The following SULF1 variants were observed in gnomAD, a reference collection of about 807,000 sequenced individuals.
SULF1 encodes sulfatase 1.
A neutral mutation model predicts 110.5 loss-of-function variants in SULF1; 46 were observed. That is an observed-to-expected ratio of 0.42 (90% confidence interval 0.33 to 0.53). The LOEUF (loss-of-function observed/expected upper bound fraction) is 0.53, where lower values mean the gene tolerates loss of function less well. Ranked by LOEUF, SULF1 falls within the 20% of genes least tolerant of loss-of-function variation. The pLI is 0.12. For synonymous variants in SULF1, 371 were observed against 387.1 expected (o/e 0.96, Z 0.49); for missense variants, 941 against 1,094.2 (o/e 0.86, Z 1.98).
intron 8 of SULF1, among the ~76,000 whole-genome samples, chr8:69,598,650 C>A (rs1222673122): frequency 6.6e-6 from 1 of 152,198 alleles, no homozygotes; most frequent in Non-Finnish European, 1.5e-5. Flanking sequence ...CCTGGGCCTT[C>A]CAAAATGCTG....
intron 1 of SULF1, among the ~76,000 whole-genome samples, chr8:69,472,425 C>T (rs1809123964): frequency 6.6e-6 from 1 of 152,258 alleles, no homozygotes. Context: ...GCTTGAGCCC[C>T]TTACCATTCC....
chr8:69,507,602 G>T (rs916849477), intron 3 of SULF1, among the ~76,000 whole-genome samples: 2 of 152,110 alleles, frequency 1.3e-5, no homozygotes, highest in African/African-American at 4.8e-5. Context: ...ATTAAATAGG[G>T]CTTAAAACAA....
rs1810311254 is a variant in SULF1, at chr8:69,495,855, A to G, written c.-300A>G. The G allele has an allele frequency of 6.6e-6, 1 of 152,264 alleles. No individual in the cohort carries two copies. 9.4% of individuals were successfully genotyped at this position (152,264 alleles called of 1,614,324 possible). Reference sequence around the variant, plus strand: ...CCTGGTCATTATTTAGTCTACAATAAGTTCATCCTTCTTCAGTGTGACCAG... The same window carrying G: ...CCTGGTCATTATTTAGTCTACAATAGGTTCATCCTTCTTCAGTGTGACCAG... On this transcript the variant is annotated 5_prime_UTR_variant, in exon 2 of 23. Coordinates refer to ENST00000402687, the MANE Select transcript of SULF1 (RefSeq NM_001128205.2).
At chr8:69,597,301 C>T (rs1052368443) in intron 8 of SULF1, 5 of 152,262 alleles carry the variant, frequency 3.3e-5, no homozygotes, top group African/African-American at 1.2e-4. Context: ...GACCCCCGAC[C>T]TTCCACCTGC....
intron 2 of SULF1, among the ~76,000 whole-genome samples, chr8:69,497,760 G>A (rs1273789350): frequency 6.6e-6 from 1 of 152,076 alleles, no homozygotes; most frequent in East Asian, 1.9e-4. Flanking sequence ...GAACAACGGG[G>A]ACAACCAAGA....
intron 22 of SULF1, among the ~76,000 whole-genome samples, chr8:69,651,901 A>T (rs1050319540): frequency 2.0e-5 from 3 of 152,164 alleles, no homozygotes; most frequent in Non-Finnish European, 4.4e-5. Context: ...CTTTAAAACA[A>T]CACAAATTTA....
chr8:69,566,747 A>T (rs1020313487), intron 5 of SULF1, among the ~76,000 whole-genome samples: 3 of 152,138 alleles, frequency 2.0e-5, no homozygotes, highest in Admixed American at 6.5e-5. Context: ...GCTACTCTGG[A>T]GGCTGAGGCA....
At chr8:69,634,549 G>A (rs763419399) in intron 19 of SULF1, among the ~76,000 whole-genome samples, 7 of 152,062 alleles carry the variant, frequency 4.6e-5, no homozygotes, top group African/African-American at 1.4e-4. Context: ...CAGGTGGATC[G>A]CTTGAGCCCA....
chr8:69,568,013 T>C (rs1476466982), intron 5 of SULF1, among the ~76,000 whole-genome samples: 1 of 152,240 alleles, frequency 6.6e-6, no homozygotes, highest in African/African-American at 2.4e-5. Context: ...TTTCTGGTTT[T>C]GTTTTTAATA....
chr8:69,479,668 G>C (rs572157372), intron 1 of SULF1, among the ~76,000 whole-genome samples: 1 of 152,058 alleles, frequency 6.6e-6, no homozygotes, highest in Non-Finnish European at 1.5e-5. Context: ...CTAAATCTAA[G>C]CAGAATGTTG....
chr8:69,500,734 G>A (rs1810736594), intron 2 of SULF1, among the ~76,000 whole-genome samples: 1 of 152,196 alleles, frequency 6.6e-6, no homozygotes, highest in Admixed American at 6.5e-5. Context: ...GCACAGTGAA[G>A]CGAGTGATCT....
chr8:69,510,978 A>G (rs1195840400), intron 3 of SULF1, among the ~76,000 whole-genome samples: 5 of 151,578 alleles, frequency 3.3e-5, no homozygotes, highest in Non-Finnish European at 7.4e-5. Context: ...ACACACACAC[A>G]CACACACATA....
intron 13 of SULF1, among the ~76,000 whole-genome samples, chr8:69,616,527 A>G (rs902474572): frequency 2.6e-5 from 4 of 151,906 alleles, no homozygotes; most frequent in Non-Finnish European, 4.4e-5. Flanking sequence ...TCAGCCTCCC[A>G]AGTAGCTGGG....
At chr8:69,548,602 C>T (rs981883493) in intron 3 of SULF1, among the ~76,000 whole-genome samples, 1 of 149,896 alleles carries the variant, frequency 6.7e-6, no homozygotes, top group Non-Finnish European at 1.5e-5. Context: ...CATGCACCAC[C>T]ATGCCTCGCT....
intron 3 of SULF1, among the ~76,000 whole-genome samples, chr8:69,522,105 C>A (rs1812348575): frequency 6.6e-6 from 1 of 151,324 alleles, no homozygotes; most frequent in Non-Finnish European, 1.5e-5. Context: ...GGCTGGAGTG[C>A]AGTGGAATGA....
At chr8:69,655,664 C>A (rs1812671640) in intron 22 of SULF1, among the ~76,000 whole-genome samples, 1 of 152,172 alleles carries the variant, frequency 6.6e-6, no homozygotes. Flanking sequence ...GCCTCATCCT[C>A]CCCAAACTAC....
chr8:69,534,790 C>T (rs2197029), intron 3 of SULF1, among the ~76,000 whole-genome samples: 15,440 of 151,940 alleles, frequency 0.1, 1,497 homozygotes, highest in East Asian at 0.41. Context: ...ATTGATACAA[C>T]TGACGTCATA....
chr8:69,611,868 T>C (rs991880808), intron 13 of SULF1, among the ~76,000 whole-genome samples: 18 of 152,142 alleles, frequency 1.2e-4, no homozygotes, highest in African/African-American at 1.9e-4. Flanking sequence ...TTTATTTCAA[T>C]AGTTTTCGGG....
chr8:69,487,008 A>G lies in SULF1; in HGVS notation c.-390-8757A>G, dbSNP rs549999964. Among the ~76,000 whole-genome samples, 21 of 152,302 alleles carry G rather than the reference A, an allele frequency of 1.4e-4. No homozygotes were observed. The South Asian group carries it at 3.1e-3, about 23-fold the overall frequency. On this transcript the variant is annotated intron_variant, in intron 1 of 22. Transcript: ENST00000260128. The stretch of plus-strand genomic sequence containing the variant: ...AATGGGAAAAGAATTTCTCAAATAA[A>G]TATGTTATCTTTTCCTCCAACAGAA...
Sources: gnomAD v4.1 joint callset for allele counts (sites outside exome capture counted in the v4.1 genomes callset) on GRCh38, gnomAD v4.1.1 for gene constraint, MANE v1.5 for transcripts, NCBI Gene and HGNC (gene_info 2026-07-23, HGNC 2026-07-21) for gene names.